MYBL2: variants seen among roughly 807,000 people sequenced by gnomAD.
MYBL2 encodes the protein myb-related protein B.
In MYBL2, 28 loss-of-function variants were observed where a neutral mutation model predicts 79.9. The ratio of observed to expected loss-of-function variants is 0.35; its 90% CI spans 0.26 to 0.48. The LOEUF (loss-of-function observed/expected upper bound fraction) is 0.48, where lower values mean the gene tolerates loss of function less well. MYBL2 is among the 20% of genes least tolerant of loss of function. The pLI, the probability that MYBL2 is intolerant of heterozygous loss-of-function variation, is 0.99. For synonymous variants in MYBL2, 378 were observed against 361.2 expected (o/e 1.05, Z -0.53); for missense variants, 735 against 893.9 (o/e 0.82, Z 2.27).
At chr20:43,694,412 G>T (rs1305554860) in intron 6 of MYBL2, among the ~76,000 whole-genome samples, 2 of 151,980 alleles carry the variant, frequency 1.3e-5, no homozygotes, top group East Asian at 3.9e-4. Flanking sequence ...TGATGATGCC[G>T]GCTGTGTGGT....
intron 12 of MYBL2, among the ~76,000 whole-genome samples, chr20:43,714,627 C>A (rs978868931): frequency 1.3e-5 from 2 of 151,098 alleles, no homozygotes; most frequent in African/African-American, 4.9e-5. Flanking sequence ...AGATTAAGTT[C>A]TTTGCTTAAT....
chr20:43,707,763 T>C (rs1027452014), intron 9 of MYBL2, among the ~76,000 whole-genome samples: 1 of 151,862 alleles, frequency 6.6e-6, no homozygotes, highest in Non-Finnish European at 1.5e-5. Flanking sequence ...ATTTCTCTAT[T>C]TTTTTCCCCC....
At chr20:43,708,062 A>C (rs532970580) in intron 9 of MYBL2, among the ~76,000 whole-genome samples, 1 of 152,258 alleles carries the variant, frequency 6.6e-6, no homozygotes, top group South Asian at 2.1e-4. Flanking sequence ...TTTATCTCCA[A>C]GCAATCTTTT....
At chr20:43,692,128 G>T in intron 5 of MYBL2, 29 bp from the exon 6 acceptor site, 1 of 1,609,518 alleles carries the variant, frequency 6.2e-7, no homozygotes, top group East Asian at 2.2e-5. Context: ...CAGAGCTGGG[G>T]TTCAAAGGCC....
At chr20:43,712,009 CTT>C (rs1306750562) in intron 11 of MYBL2, among the ~76,000 whole-genome samples, 5 of 151,838 alleles carry the variant, frequency 3.3e-5, no homozygotes, top group Non-Finnish European at 7.4e-5. Context: ...CCAAAGGAAT[CTT>C]TTGGGTGGAG....
At chr20:43,684,495 A>G (rs1320191188) in intron 4 of MYBL2, among the ~76,000 whole-genome samples, 1 of 150,064 alleles carries the variant, frequency 6.7e-6, no homozygotes, top group African/African-American at 2.5e-5. Context: ...TCAGCCTCCC[A>G]AAGTGCTGGG....
At chr20:43,675,805 C>A (rs1027066788) in intron 2 of MYBL2, among the ~76,000 whole-genome samples, 2 of 150,398 alleles carry the variant, frequency 1.3e-5, no homozygotes, top group East Asian at 3.9e-4. Flanking sequence ...ACTTTAGGTT[C>A]AGGGGTATAT....
intron 5 of MYBL2, among the ~76,000 whole-genome samples, chr20:43,689,090 C>T (rs1987347651): frequency 6.6e-6 from 1 of 152,152 alleles, no homozygotes; most frequent in Non-Finnish European, 1.5e-5. Flanking sequence ...CGCACCTGGC[C>T]CTAAGCTGGA....
chr20:43,686,907 A>G lies in MYBL2; in HGVS notation c.335A>G (p.His112Arg). 1 of 1,614,166 alleles carries G rather than the reference A, an allele frequency of 6.2e-7. No homozygotes were observed. The highest frequency in any genetic ancestry group is 1.3e-5 in the African/African-American group (1 of 75,038). Residue 112 changes from histidine to arginine, a missense_variant, in exon 5 of 14, where the codon CAC becomes CGC. Physicochemically the swap from His to Arg is conservative, Grantham distance 29 (BLOSUM62 0). Around this residue, in one of 5 missense-constraint regions of MYBL2, gnomAD observed 65 missense variants for 145.2 expected, o/e 0.45. Transcript: ENST00000217026. The part of the protein sequence containing the change: ...GTKQWTLIAK[H>R]LKGRLGKQCR... ...AAGCAGTGGACACTGATTGCCAAGC[A>G]CCTGAAGGGCCGGCTGGGGAAGCAG...
chr20:43,707,194 TTA>T (rs1491290880), intron 9 of MYBL2, among the ~76,000 whole-genome samples: 2 of 150,232 alleles, frequency 1.3e-5, no homozygotes, highest in Admixed American at 6.6e-5. Flanking sequence ...TTTTTTTTTT[TTA>T]AAAAAAAAAG....
intron 4 of MYBL2, among the ~76,000 whole-genome samples, chr20:43,684,033 A>G (rs927060971): frequency 5.3e-5 from 8 of 151,560 alleles, no homozygotes; most frequent in African/African-American, 1.9e-4. Flanking sequence ...GGCCCAAGCA[A>G]TCCTCCCACC....
chr20:43,680,018 T>C (rs1987106810), intron 2 of MYBL2, among the ~76,000 whole-genome samples: 1 of 81,960 alleles, frequency 1.2e-5, no homozygotes, highest in Admixed American at 1.3e-4. Context: ...TCTGTGATTT[T>C]GACTATTTTA....
At chr20:43,700,389 A>G (rs1987653663) in intron 7 of MYBL2, among the ~76,000 whole-genome samples, 1 of 152,178 alleles carries the variant, frequency 6.6e-6, no homozygotes, top group African/African-American at 2.4e-5. Context: ...TATTTGTGGC[A>G]TCACACATGG....
At chr20:43,702,992 G>C (rs1987708379) in intron 8 of MYBL2, 89 bp downstream of exon 8, 2 of 1,387,736 alleles carry the variant, frequency 1.4e-6, no homozygotes, top group African/African-American at 2.9e-5. Flanking sequence ...ACGAGACCTG[G>C]CTCTGCCCTC....
intron 4 of MYBL2, among the ~76,000 whole-genome samples, chr20:43,683,705 T>TA (rs1388669872): frequency 1.3e-5 from 2 of 151,788 alleles, no homozygotes; most frequent in Non-Finnish European, 2.9e-5. Flanking sequence ...AGGCACGTGC[T>TA]ACCACACCTG....
Position 43,695,767 on chromosome 20 carries a change from G to A in MYBL2, c.663+3448G>A, listed in dbSNP as rs146135816. Among the ~76,000 whole-genome samples the A allele has an allele frequency of 1.2e-3, 185 of 152,204 alleles. 1 individual carries two copies. The highest frequency in any genetic ancestry group is 6.8e-3 in the Middle Eastern group (2 of 294). The stretch of plus-strand genomic sequence containing the variant: ...AGCCTGGGGCAGGAAGTTCACTTGA[G>A]CCCAGTATTTCAACAGAGTGAGACT... On this transcript the variant is annotated intron_variant, in intron 6 of 13. Transcript: ENST00000217026.
chr20:43,704,311 T>C (rs1987733598), intron 8 of MYBL2, among the ~76,000 whole-genome samples: 2 of 152,184 alleles, frequency 1.3e-5, no homozygotes, highest in Non-Finnish European at 2.9e-5. Context: ...CCACCGCGCC[T>C]GGCCTAACTA....
chr20:43,696,444 C>T (rs75654827), intron 6 of MYBL2, among the ~76,000 whole-genome samples: 5 of 76,316 alleles, frequency 6.6e-5, no homozygotes, highest in Non-Finnish European at 2.9e-5. Flanking sequence ...TGGTCTCAAA[C>T]TCCTGACCTC....
intron 6 of MYBL2, among the ~76,000 whole-genome samples, chr20:43,695,686 CAA>C (rs3091981): frequency 4.7e-5 from 7 of 150,248 alleles, no homozygotes; most frequent in African/African-American, 7.4e-5. Flanking sequence ...ACTGTCTTTA[CAA>C]AAAAAAAAAA....
Sources: gnomAD v4.1 joint callset for allele counts (sites outside exome capture counted in the v4.1 genomes callset) on GRCh38, gnomAD v4.1.1 for gene constraint, gnomAD v4.1.1 regional missense constraint, MANE v1.5 for transcripts, NCBI Gene and HGNC (gene_info 2026-07-23, HGNC 2026-07-21) for gene names.